Variants in CLNK observed in about 807,000 individuals in gnomAD.
CLNK encodes cytokine dependent hematopoietic cell linker, also known as cytokine-dependent hematopoietic cell linker.
Under a neutral mutation model 68.6 loss-of-function variants are expected in CLNK, and 74 were observed. The ratio of observed to expected loss-of-function variants is 1.08; its 90% CI spans 0.89 to 1.31. The LOEUF (loss-of-function observed/expected upper bound fraction) is 1.31, where lower values mean the gene tolerates loss of function less well. CLNK is among the 50% of genes most tolerant of loss of function. The pLI is 0.00. For missense variants in CLNK, 553 were observed against 515.3 expected (o/e 1.07, Z -0.71); for synonymous variants, 198 against 172.2 (o/e 1.15, Z -1.17).
At chr4:10,689,693 T>C (rs1358876473), upstream of CLNK, among the ~76,000 whole-genome samples, 1 of 149,730 alleles carries the variant, frequency 6.7e-6, no homozygotes, top group Non-Finnish European at 1.5e-5. Flanking sequence ...TTGTTTGTTT[T>C]AAAAATTCCT....
At chr4:10,681,192 C>G (rs1262149987) in intron 1 of CLNK, among the ~76,000 whole-genome samples, 4 of 152,180 alleles carry the variant, frequency 2.6e-5, no homozygotes, top group African/African-American at 7.2e-5. Context: ...TGCCAATCAT[C>G]TGAACTTATA....
chr4:10,637,720 G>A (rs1031336956), intron 2 of CLNK, among the ~76,000 whole-genome samples: 62 of 148,734 alleles, frequency 4.2e-4, no homozygotes, highest in African/African-American at 1.5e-3. Context: ...TCAGCCTCCC[G>A]AGTAGCTGGG....
chr4:10,721,331 A>G, the CLNK span, among the ~76,000 whole-genome samples: 1 of 152,260 alleles, frequency 6.6e-6, no homozygotes, highest in South Asian at 2.1e-4. Context: ...ACTGGGGGAA[A>G]ATGGGTAAAG....
chr4:10,562,662 C>T (rs1719945706), intron 7 of CLNK, among the ~76,000 whole-genome samples: 1 of 152,088 alleles, frequency 6.6e-6, no homozygotes, highest in South Asian at 2.1e-4. Context: ...CTTCAGACTC[C>T]CAAAGTGCTG....
At chr4:10,504,410 G>A (rs1717199610) in intron 17 of CLNK, among the ~76,000 whole-genome samples, 1 of 152,006 alleles carries the variant, frequency 6.6e-6, no homozygotes, top group South Asian at 2.1e-4. Context: ...GTGAGCCACT[G>A]CGTGCCCCGC....
At chr4:10,682,331 T>C (rs749986862) in intron 1 of CLNK, among the ~76,000 whole-genome samples, 15 of 152,148 alleles carry the variant, frequency 9.9e-5, no homozygotes, top group Non-Finnish European at 2.1e-4. Flanking sequence ...GCTAGGAGGG[T>C]AGGTACAGCC....
chr4:10,701,072 C>A, the CLNK span, among the ~76,000 whole-genome samples: 1 of 152,188 alleles, frequency 6.6e-6, no homozygotes, highest in Non-Finnish European at 1.5e-5. Flanking sequence ...AAGCCCTCAA[C>A]TTCTTCTTCC....
At chr4:10,699,281 C>CGT in the CLNK span, among the ~76,000 whole-genome samples, 13 of 63,734 alleles carry the variant, frequency 2.0e-4, no homozygotes, top group African/African-American at 6.0e-4. Flanking sequence ...ACACACACCA[C>CGT]ATACGTGTAT....
At chr4:10,677,995 G>T (rs1724943861) in intron 1 of CLNK, among the ~76,000 whole-genome samples, 1 of 152,138 alleles carries the variant, frequency 6.6e-6, no homozygotes, top group African/African-American at 2.4e-5. Context: ...GACTTCTTCT[G>T]AGCCAAGCTT....
chr4:10,568,722 T>G (rs976872776), intron 5 of CLNK, among the ~76,000 whole-genome samples: 1 of 152,180 alleles, frequency 6.6e-6, no homozygotes, highest in Non-Finnish European at 1.5e-5. Flanking sequence ...CGAAAGAATC[T>G]GGAAGCAAGT....
chr4:10,582,680 T>C (rs1720825865), intron 4 of CLNK, among the ~76,000 whole-genome samples: 1 of 152,202 alleles, frequency 6.6e-6, no homozygotes, highest in Non-Finnish European at 1.5e-5. Flanking sequence ...AGGCTTGGAA[T>C]GGTTTTCTAA....
intron 2 of CLNK, among the ~76,000 whole-genome samples, chr4:10,604,265 C>T (rs1225643552): frequency 6.6e-6 from 1 of 152,144 alleles, no homozygotes; most frequent in Non-Finnish European, 1.5e-5. Context: ...ATATTTCAGC[C>T]AGGTCAGAAA....
At chr4:10,718,889 G>T in the CLNK span, among the ~76,000 whole-genome samples, 1 of 152,022 alleles carries the variant, frequency 6.6e-6, no homozygotes, top group African/African-American at 2.4e-5. Context: ...ATAAATGGAA[G>T]GTGGAAGGAG....
intron 2 of CLNK, among the ~76,000 whole-genome samples, chr4:10,624,524 C>G (rs1416816947): frequency 6.6e-6 from 1 of 151,520 alleles, no homozygotes; most frequent in East Asian, 1.9e-4. Context: ...GATCTCCTGA[C>G]CTCGTGATCT....
At position 10,677,305 on chromosome 4, in the gene CLNK, A is replaced by T. The variant is rs1223230617; in HGVS notation, c.-43+7363T>A. Among the ~76,000 whole-genome samples the T allele has an allele frequency of 2.0e-5, 3 of 152,186 alleles. No homozygotes were observed. In the East Asian group the frequency reaches 5.8e-4, roughly 29 times the overall value. On this transcript the variant is annotated intron_variant, in intron 1 of 18. Transcript: ENST00000226951. The stretch of plus-strand genomic sequence containing the variant: ...CAAAAACACTGTAATTTTTTTCAAC[A>T]TTCATTTATTAAGCACCTGATGTAT...
upstream of CLNK, among the ~76,000 whole-genome samples, chr4:10,687,918 A>G (rs1486490512): frequency 6.6e-6 from 1 of 152,218 alleles, no homozygotes; most frequent in African/African-American, 2.4e-5. Flanking sequence ...AGTCTTAACA[A>G]GAAGTATAAA....
the CLNK span, among the ~76,000 whole-genome samples, chr4:10,718,613 G>C: frequency 6.6e-6 from 1 of 151,086 alleles, no homozygotes; most frequent in South Asian, 2.1e-4. Flanking sequence ...AAAAAAACTA[G>C]AAGAATTCGT....
At chr4:10,693,526 C>A in the CLNK span, among the ~76,000 whole-genome samples, 101 of 152,290 alleles carry the variant, frequency 6.6e-4, no homozygotes, top group African/African-American at 2.3e-3. Context: ...CTGAAAGGGG[C>A]AAGGAAGTGT....
chr4:10,523,994 C>T (rs555790307), intron 14 of CLNK: 3 of 283,444 alleles, frequency 1.1e-5, no homozygotes, highest in South Asian at 9.2e-5. Context: ...CACTACAAGA[C>T]AGAATAAAAC....
Sources: allele counts gnomAD v4.1 joint callset (sites outside exome capture counted in the v4.1 genomes callset), GRCh38; gene constraint gnomAD v4.1.1; transcripts MANE v1.5; gene names NCBI Gene and HGNC (gene_info 2026-07-23, HGNC 2026-07-21).